ZC3HC1: variants seen among roughly 807,000 people sequenced by gnomAD.
ZC3HC1 encodes zinc finger C3HC-type containing 1.
A neutral mutation model predicts 61.9 loss-of-function variants in ZC3HC1; 38 were observed. That is an observed-to-expected ratio of 0.61 (90% CI 0.47 to 0.81). The LOEUF (loss-of-function observed/expected upper bound fraction) is 0.81, where lower values mean the gene tolerates loss of function less well. ZC3HC1 is among the 30% of genes least tolerant of loss of function. The pLI, the probability that ZC3HC1 is intolerant of heterozygous loss-of-function variation, is 0.00. For missense variants in ZC3HC1, 554 were observed against 622.7 expected (o/e 0.89, Z 1.17); for synonymous variants, 213 against 229.9 (o/e 0.93, Z 0.67).
At position 130,023,799 on chromosome 7, in the gene ZC3HC1, C is replaced by A. The variant is rs1028692874; in HGVS notation, c.1021-76G>T. ...GGTCAGAAATACTTCTTTCTTTAAT[C>A]TTTTTTCTTTTTTTTTTTGAGACAG... is the stretch of plus-strand genomic sequence containing the variant. On this transcript the variant is annotated intron_variant, in intron 7 of 9. Coordinates refer to ENST00000358303, the MANE Select transcript of ZC3HC1 (RefSeq NM_016478.5). The surrounding 1 kb of genome is among the most constrained non-coding windows in gnomAD (Gnocchi z 4.2). 7 of 1,246,238 alleles carry A rather than the reference C, an allele frequency of 5.6e-6. No homozygotes were observed. Among genetic ancestry groups the A allele is most frequent in the Non-Finnish European group, 7.7e-6 (7 of 905,184 alleles). The allele number at this position is 1,246,238 out of a possible 1,614,324, so 77.2% of individuals were successfully genotyped here. A position where few individuals can be genotyped will look rare whatever the true frequency, so the allele number is the denominator to read the frequency against.
At chr7:130,047,747 G>A (rs1794923553) in intron 2 of ZC3HC1, among the ~76,000 whole-genome samples, 1 of 152,046 alleles carries the variant, frequency 6.6e-6, no homozygotes, top group South Asian at 2.1e-4. Flanking sequence ...TCAAAGCAAG[G>A]TGATGTGAAC....
chr7:130,018,881 A>T, intron 9 of ZC3HC1, 149 bp from the exon 10 acceptor site: 1 of 617,714 alleles, frequency 1.6e-6, no homozygotes, highest in Non-Finnish European at 2.7e-6. Flanking sequence ...CTAAAGTCAG[A>T]CTAAAGATCG....
At chr7:130,032,721 A>AGGGAAGGAG (rs1263668672) in intron 4 of ZC3HC1, among the ~76,000 whole-genome samples, 1 of 55,992 alleles carries the variant, frequency 1.8e-5, no homozygotes, top group African/African-American at 6.8e-5. Context: ...AAGGAAGGGA[A>AGGGAAGGAG]GGAGGGAGGG....
At chr7:130,043,752 G>C (rs1794766352) in intron 2 of ZC3HC1, 1 of 419,870 alleles carries the variant, frequency 2.4e-6, no homozygotes, top group Non-Finnish European at 4.7e-6. Context: ...TATGTAACAG[G>C]CATTCACTTG....
intron 9 of ZC3HC1, among the ~76,000 whole-genome samples, chr7:130,020,971 C>T (rs1793618436): frequency 6.6e-6 from 1 of 152,076 alleles, no homozygotes; most frequent in African/African-American, 2.4e-5. Context: ...AACCTCGGCT[C>T]ACTGCAACCT....
At chr7:130,021,845 A>C (rs933473314) in intron 9 of ZC3HC1, among the ~76,000 whole-genome samples, 48 of 152,188 alleles carry the variant, frequency 3.2e-4, no homozygotes, top group African/African-American at 9.4e-4. Context: ...AACCGGTTCT[A>C]TGCCTAATCC....
intron 2 of ZC3HC1, among the ~76,000 whole-genome samples, chr7:130,048,342 T>C (rs866605278): frequency 1.3e-5 from 2 of 152,096 alleles, no homozygotes; most frequent in Admixed American, 6.6e-5. Flanking sequence ...TTTTATTTTA[T>C]TTTATTTTTC....
intron 4 of ZC3HC1, among the ~76,000 whole-genome samples, chr7:130,032,935 AAATT>A (rs1380425304): frequency 6.6e-6 from 1 of 152,164 alleles, no homozygotes; most frequent in African/African-American, 2.4e-5. Flanking sequence ...CTGCTTACTA[AAATT>A]AATTTTTAAA....
chr7:130,019,430 C>A (rs552523018), intron 9 of ZC3HC1, among the ~76,000 whole-genome samples: 1 of 152,216 alleles, frequency 6.6e-6, no homozygotes, highest in African/African-American at 2.4e-5. Context: ...TAATGTGATG[C>A]CTAGCTGAGG....
Position 130,024,292 on chromosome 7 carries a change from C to G in ZC3HC1, c.991G>C (p.Asp331His). 1 of 1,611,886 alleles carries G rather than the reference C, an allele frequency of 6.2e-7. No homozygotes were observed. The highest frequency in any genetic ancestry group is 8.5e-7 in the Non-Finnish European group (1 of 1,178,538). ...TCTGAGCCTGGGGAGAAAGTGGCAT[C>G]CTGGCTCCGGGTCATCATCCTCCGA... ...SPRRMMTRSQ[D>H]ATFSPGSEQA... Residue 331 changes from aspartate (D) to histidine (H), a missense_variant, in exon 7 of 10, where the codon GAT (aspartate) becomes CAT (histidine). By Grantham distance (81) the Asp-to-His change is moderately conservative (BLOSUM62 -1). Transcript: ENST00000358303.
chr7:130,028,778 G>T (rs1181989538), intron 5 of ZC3HC1, 124 bp downstream of exon 5: 2 of 1,329,740 alleles, frequency 1.5e-6, no homozygotes, highest in Admixed American at 2.7e-5. Flanking sequence ...GAAAAGGTCA[G>T]ATGAGAGACA....
chr7:130,026,103 T>C (rs1793893790), intron 6 of ZC3HC1, 55 bp downstream of exon 6: 2 of 1,549,020 alleles, frequency 1.3e-6, no homozygotes, highest in Non-Finnish European at 8.8e-7. Context: ...CTGATATATA[T>C]GGGTGTAATG....
Position 130,024,243 on chromosome 7 carries a change from C to A in ZC3HC1, c.1020+20G>T. 1 of 1,560,872 alleles carries A rather than the reference C, an allele frequency of 6.4e-7. No homozygotes were observed. Among genetic ancestry groups the A allele is most frequent in the Non-Finnish European group, 8.7e-7 (1 of 1,153,494 alleles). On this transcript the variant is annotated intron_variant, in intron 7 of 9. Transcript: ENST00000358303. ...AAGAATGTTGTTTAAAATTCCACCCCAAATAAGCTAAGTGAATACCTGCTC... is the reference window on the plus strand; with the variant it reads ...AAGAATGTTGTTTAAAATTCCACCCAAAATAAGCTAAGTGAATACCTGCTC...
At chr7:130,039,948 A>T (rs1387296379) in intron 3 of ZC3HC1, among the ~76,000 whole-genome samples, 1 of 150,958 alleles carries the variant, frequency 6.6e-6, no homozygotes, top group Non-Finnish European at 1.5e-5. Flanking sequence ...TCAAACTCCC[A>T]ACCTCATGTG....
rs752304810 is a variant in ZC3HC1 at position 130,018,683 on chromosome 7, T to C, written c.1490A>G (p.Glu497Gly). The C allele has an allele frequency of 6.2e-7, 1 of 1,612,476 alleles. No individual in the cohort carries two copies. Among genetic ancestry groups the C allele is most frequent in the African/African-American group, 1.3e-5 (1 of 75,048 alleles). ...RKVFRIFRQWESLCSC is the reference protein window; with the variant it reads ...RKVFRIFRQWGSLCSC Reference sequence around the variant, plus strand: ...GTATCTTCAGCATGAGCACAGAGATTCCCACTGCCGAAATATTCGGAATAC... The same window carrying C: ...GTATCTTCAGCATGAGCACAGAGATCCCCACTGCCGAAATATTCGGAATAC... Residue 497 changes from glutamate (E) to glycine (G), a missense_variant, in exon 10 of 10, where the codon GAA becomes GGA. Glu to Gly is a moderately conservative substitution (Grantham distance 98). Coordinates refer to ENST00000358303, the MANE Select transcript of ZC3HC1 (RefSeq NM_016478.5).
At position 130,023,819 on chromosome 7, in the gene ZC3HC1, A is replaced by T. The variant is rs192134116; in HGVS notation, c.1021-96T>A. The T allele has an allele frequency of 9.1e-7, 1 of 1,093,870 alleles. No homozygotes were observed. Among genetic ancestry groups the T allele is most frequent in the Admixed American group, 2.8e-5 (1 of 35,150 alleles). 67.8% of individuals were successfully genotyped at this position (1,093,870 alleles called of 1,614,324 possible). A position where few individuals can be genotyped will look rare whatever the true frequency, so the allele number is the denominator to read the frequency against. On this transcript the variant is annotated intron_variant, in intron 7 of 9. Coordinates refer to ENST00000358303, the MANE Select transcript of ZC3HC1 (RefSeq NM_016478.5). The surrounding 1 kb of genome is among the most constrained non-coding windows in gnomAD (Gnocchi z 4.2). ...TTAATCTTTTTTCTTTTTTTTTTTG[A>T]GACAGAGTCTCGCTTTGTTGCCAAG...
In ZC3HC1 at chr7:130,023,882, C is replaced by A. The variant is rs1261940425; in HGVS notation, c.1021-159G>T. 2.0e-5 allele frequency among the ~76,000 whole-genome samples: 3 copies of A among 152,118 alleles called. No individual in the cohort carries two copies. The highest frequency in any genetic ancestry group is 2.9e-5 in the Non-Finnish European group (2 of 68,024). ...TGAGGCGATCTTGGCTCATGGCAAC[C>A]TCTGCCTCCCGAGTTCAAGTGATTC... On this transcript the variant is annotated intron_variant, in intron 7 of 9. Transcript: ENST00000358303. The surrounding 1 kb of genome is among the most constrained non-coding windows in gnomAD (Gnocchi z 4.2).
chr7:130,025,019 C>T (rs1793835856), intron 6 of ZC3HC1, among the ~76,000 whole-genome samples: 1 of 148,930 alleles, frequency 6.7e-6, no homozygotes, highest in South Asian at 2.1e-4. Context: ...GATTCCCCTG[C>T]CTCAGCCTCC....
At chr7:130,039,676 C>A in intron 3 of ZC3HC1, 129 bp from the exon 4 acceptor site, 1 of 626,808 alleles carries the variant, frequency 1.6e-6, no homozygotes, top group East Asian at 3.0e-5. Context: ...TTATCAAGTA[C>A]ATAATCTTAA....
Sources: gnomAD v4.1 joint callset for allele counts (sites outside exome capture counted in the v4.1 genomes callset) on GRCh38, gnomAD v4.1.1 for gene constraint, Gnocchi (gnomAD v3.1) non-coding constraint, MANE v1.5 for transcripts, NCBI Gene and HGNC (gene_info 2026-07-23, HGNC 2026-07-21) for gene names.